TMPO: variants seen among roughly 807,000 people sequenced by gnomAD.
TMPO encodes the protein thymopoietin.
In TMPO, 22 loss-of-function variants were observed where a neutral mutation model predicts 45.4. The observed-to-expected ratio is 0.48, with a 90% confidence interval of 0.35 to 0.69. The LOEUF (loss-of-function observed/expected upper bound fraction) is 0.69, where lower values mean the gene tolerates loss of function less well. Ranked by LOEUF, TMPO falls within the 30% of genes least tolerant of loss-of-function variation. The pLI is 0.01. For missense variants in TMPO, 512 were observed against 548.8 expected, an observed-to-expected ratio of 0.93 and a Z score of 0.67; for synonymous variants, 241 against 204.1, an observed-to-expected ratio of 1.18 and a Z score of -1.54.
rs576014184 is a variant in TMPO at position 98,534,739 on chromosome 12, A to G, written c.566-2736A>G. The G allele has an allele frequency of 3.3e-5, 34 of 1,030,516 alleles. No individual in the cohort carries two copies. The African/African-American group carries it at 5.9e-4, about 18-fold the overall frequency. 63.8% of individuals were successfully genotyped at this position (1,030,516 alleles called of 1,614,324 possible). A position where few individuals can be genotyped will look rare whatever the true frequency, so the allele number is the denominator to read the frequency against. The stretch of plus-strand genomic sequence containing the variant: ...AGAATTAAACATTTGTTACACATTC[A>G]GAACAGTGATGTTGTTCTTTTTGAT... On this transcript the variant is annotated intron_variant, in intron 3 of 8. Coordinates refer to ENST00000556029, the MANE Select transcript of TMPO (RefSeq NM_001032283.3).
intron 7 of TMPO, among the ~76,000 whole-genome samples, 189 bp downstream of exon 7, chr12:98,545,250 T>C (rs1376523137): frequency 1.3e-5 from 2 of 151,220 alleles, no homozygotes; most frequent in East Asian, 1.9e-4. Flanking sequence ...TTAACTAATA[T>C]AGTTTGACAT....
At chr12:98,521,333 G>GGATCTCCT (rs1483252611) in intron 1 of TMPO, among the ~76,000 whole-genome samples, 1 of 150,928 alleles carries the variant, frequency 6.6e-6, no homozygotes, top group Non-Finnish European at 1.5e-5. Flanking sequence ...AGGATGGTCT[G>GGATCTCCT]GATCTCCTGA....
intron 7 of TMPO, 59 bp downstream of exon 7, chr12:98,545,120 T>A: frequency 1.9e-5 from 23 of 1,184,350 alleles, no homozygotes; most frequent in Non-Finnish European, 2.5e-5. Context: ...GAAATATAAA[T>A]ATTTGTTTGT....
chr12:98,531,654 C>T, intron 2 of TMPO, 26 bp from the exon 3 acceptor site: 1 of 1,611,068 alleles, frequency 6.2e-7, no homozygotes. Flanking sequence ...AATACAGGTA[C>T]TAAAGCAAGT....
chr12:98,518,041 C>T (rs770623147), intron 1 of TMPO, among the ~76,000 whole-genome samples: 2 of 150,724 alleles, frequency 1.3e-5, no homozygotes, highest in Non-Finnish European at 3.0e-5. Context: ...CTGGTGGCGG[C>T]GGCCGAGGCA....
rs1194242962 is a variant in TMPO at position 98,550,017 on chromosome 12, T to C, written c.*2159T>C. On this transcript the variant is annotated 3_prime_UTR_variant, in exon 9 of 9. Coordinates refer to ENST00000556029, the MANE Select transcript of TMPO (RefSeq NM_001032283.3). ...TCCCATACTGTTTTCAGCCTTTTGT[T>C]TATAATTAGAAATTGTGAGAAGCTT... is the stretch of plus-strand genomic sequence containing the variant. 6.6e-6 allele frequency: 1 copy of C among 152,216 alleles called. No homozygotes were observed. The highest frequency in any genetic ancestry group is 6.5e-5 in the Admixed American group (1 of 15,280). The allele number at this position is 152,216 out of a possible 1,614,324, so 9.4% of individuals were successfully genotyped here.
rs1565818375 is a variant in TMPO, at chr12:98,547,709, A to C, written c.1216A>C (p.Lys406Gln). 5 of 1,614,214 alleles carry C rather than the reference A, an allele frequency of 3.1e-6. No homozygotes were observed. The highest frequency in any genetic ancestry group is 2.5e-6 in the Non-Finnish European group (3 of 1,180,046). Residue 406 changes from lysine (K) to glutamine (Q), a missense_variant, in exon 9 of 9, where the codon AAA becomes CAA. Around this residue, in one of 3 missense-constraint regions of TMPO, gnomAD observed 209 missense variants for 235.1 expected, o/e 0.89. Transcript: ENST00000556029. ...GGCAGATGTCAAGTCAGAAAAGACA[A>C]AAAAGGGACGCTCCATTCCCGTATG... ...PLADVKSEKT[K>Q]KGRSIPVWIK... is the part of the protein sequence containing the mutation.
rs1227785613 is a variant in TMPO, at chr12:98,533,435, T to C, written c.565+1597T>C. 4 of 1,614,080 alleles carry C rather than the reference T, an allele frequency of 2.5e-6. No homozygotes were observed. In the African/African-American group the frequency reaches 4.0e-5, roughly 16 times the overall value. ...TTGGTCCAGGGTGGGGTAGGTAGTT[T>C]GCCTGGAACTTCTAACTCTATGCCC... On this transcript the variant is annotated intron_variant, in intron 3 of 8. Transcript: ENST00000556029.
intron 1 of TMPO, among the ~76,000 whole-genome samples, chr12:98,522,838 A>AT (rs1451154506): frequency 6.6e-6 from 1 of 152,198 alleles, no homozygotes; most frequent in Non-Finnish European, 1.5e-5. Flanking sequence ...TATTCCATAG[A>AT]TTTTTAGGAC....
intron 8 of TMPO, 37 bp downstream of exon 8, chr12:98,546,484 T>C (rs2121258278): frequency 7.4e-7 from 1 of 1,347,364 alleles, no homozygotes; most frequent in Non-Finnish European, 1.1e-6. Context: ...TAGTGTATTC[T>C]AGTAGGGAAT....
In TMPO at chr12:98,516,154, CGCGGGGCCGGGGCTACAAAG is replaced by C; in HGVS notation, c.279+14_279+33del. On this transcript the variant is annotated intron_variant, in intron 1 of 8. Transcript: ENST00000556029. Reference sequence around the variant, plus strand: ...CGAGCAGCCGTCGGCAGGGTAAGGACGCGGGGCCGGGGCTACAAAGGCGGGCGTTTGGCGGTTGCCGCGCG... The same window carrying C: ...CGAGCAGCCGTCGGCAGGGTAAGGACGCGGGCGTTTGGCGGTTGCCGCGCG... 1 of 1,399,040 alleles carries C rather than the reference CGCGGGGCCGGGGCTACAAAG, an allele frequency of 7.1e-7. No individual in the cohort carries two copies. The highest frequency in any genetic ancestry group is 9.2e-7 in the Non-Finnish European group (1 of 1,083,486). 86.7% of individuals were successfully genotyped at this position (1,399,040 alleles called of 1,614,324 possible). A position where few individuals can be genotyped will look rare whatever the true frequency, so the allele number is the denominator to read the frequency against.
intron 4 of TMPO, among the ~76,000 whole-genome samples, chr12:98,539,819 A>C (rs993837217): frequency 6.6e-6 from 1 of 152,208 alleles, no homozygotes; most frequent in Non-Finnish European, 1.5e-5. Flanking sequence ...CCTGGAGTAT[A>C]TTAAAGCAGT....
At chr12:98,519,294 G>A (rs554042240) in intron 1 of TMPO, among the ~76,000 whole-genome samples, 26 of 152,054 alleles carry the variant, frequency 1.7e-4, no homozygotes, top group African/African-American at 6.3e-4. Flanking sequence ...TGCCTCCTGG[G>A]TTCAAATGAT....
At chr12:98,541,494 TACAG>T (rs1157667803) in intron 4 of TMPO, among the ~76,000 whole-genome samples, 7 of 152,250 alleles carry the variant, frequency 4.6e-5, no homozygotes, top group Non-Finnish European at 8.8e-5. Context: ...TTCTAAATAA[TACAG>T]TATTACTACT....
At position 98,532,965 on chromosome 12, in the gene TMPO, C is replaced by G. The variant is rs777779709; in HGVS notation, c.565+1127C>G. The G allele has an allele frequency of 1.9e-6, 3 of 1,614,106 alleles. No homozygotes were observed. In the Admixed American group the frequency reaches 5.0e-5, roughly 27 times the overall value. On this transcript the variant is annotated intron_variant, in intron 3 of 8. Coordinates refer to ENST00000556029, the MANE Select transcript of TMPO (RefSeq NM_001032283.3). ...CCACCCGTCCTCCTTTGGGCAGTAC[C>G]GAACTACAGGCAGCTAAGAAAGTAC...
At chr12:98,540,153 A>G (rs1420375786) in intron 4 of TMPO, among the ~76,000 whole-genome samples, 1 of 152,152 alleles carries the variant, frequency 6.6e-6, no homozygotes, top group African/African-American at 2.4e-5. Flanking sequence ...GAATTTCCCA[A>G]CATTCTGGAT....
rs1878232984 is a variant in TMPO at position 98,546,424 on chromosome 12, A to C, written c.1056A>C (p.Glu352Asp). ...TTCTTAAGGAAATGTTCCCCTATGAAGCATCTACACCAACAGGAATTAGGT... is the reference window on the plus strand; with the variant it reads ...TTCTTAAGGAAATGTTCCCCTATGACGCATCTACACCAACAGGAATTAGGT... ...RDILKEMFPY[E>D]ASTPTGISAS... The change falls in exon 8 of 9, where the codon GAA (glutamate) becomes GAC (aspartate). Residue 352 changes from glutamate to aspartate, a missense_variant. By Grantham distance (45) the Glu-to-Asp change is conservative. This residue lies in a region of TMPO where 209 missense variants were observed against 235.1 expected (regional missense o/e 0.89). Coordinates refer to ENST00000556029, the MANE Select transcript of TMPO (RefSeq NM_001032283.3). 1 of 1,609,894 alleles carries C rather than the reference A, an allele frequency of 6.2e-7. No individual in the cohort carries two copies.
At chr12:98,546,113 C>T (rs1054900658) in intron 7 of TMPO, among the ~76,000 whole-genome samples, 1 of 152,092 alleles carries the variant, frequency 6.6e-6, no homozygotes. Context: ...ATTTTTTCCC[C>T]CCAGTTATTT....
At position 98,548,134 on chromosome 12, in the gene TMPO, A is replaced by C. The variant is rs915987441; in HGVS notation, c.*276A>C. On this transcript the variant is annotated 3_prime_UTR_variant, in exon 9 of 9. Transcript: ENST00000556029. Reference sequence around the variant, plus strand: ...TTTATTTTTTTAATGTGGGCATCTTATTTCATTTTTGAAAAAATGTATATG... The same window carrying C: ...TTTATTTTTTTAATGTGGGCATCTTCTTTCATTTTTGAAAAAATGTATATG... 6.4e-6 allele frequency: 2 copies of C among 314,492 alleles called. No individual in the cohort carries two copies. The highest frequency in any genetic ancestry group is 2.2e-5 in the African/African-American group (1 of 45,736). The allele number at this position is 314,492 out of a possible 1,614,324, so 19.5% of individuals were successfully genotyped here.
Sources: allele counts gnomAD v4.1 joint callset (sites outside exome capture counted in the v4.1 genomes callset), GRCh38; gene constraint gnomAD v4.1.1; regional missense constraint gnomAD v4.1.1; transcripts MANE v1.5; gene names NCBI Gene and HGNC (gene_info 2026-07-23, HGNC 2026-07-21).